Variants in TENM1 observed in about 807,000 individuals in gnomAD.
TENM1 encodes the protein teneurin transmembrane protein 1, also known as teneurin-1.
In TENM1, 35 loss-of-function variants were observed where a neutral mutation model predicts 174.8. The ratio of observed to expected loss-of-function variants is 0.20; its 90% CI spans 0.15 to 0.27. TENM1 has a LOEUF of 0.27. Among genes scored for constraint, TENM1 ranks in the 10% least tolerant of loss-of-function variants. TENM1 has a pLI of 1.00. For synonymous variants in TENM1, 781 were observed against 798.7 expected (o/e 0.98, Z 0.37); for missense variants, 1,633 against 2,130.1 (o/e 0.77, Z 4.59).
At chrX:124,664,872 C>G (rs1014403014) in intron 6 of TENM1, among the ~76,000 whole-genome samples, 2 of 111,174 alleles carry the variant, frequency 1.8e-5, no homozygotes, top group Non-Finnish European at 3.8e-5. Context: ...TTTAAACAAA[C>G]TGGCTTTGAG....
At chrX:125,061,688 G>A in the TENM1 span, among the ~76,000 whole-genome samples, 1 of 111,857 alleles carries the variant, frequency 8.9e-6, no homozygotes, top group Admixed American at 9.5e-5. Context: ...AGGTCGAGGC[G>A]GGCAGATCGC....
the TENM1 span, among the ~76,000 whole-genome samples, chrX:125,038,773 T>C: frequency 9.0e-6 from 1 of 111,602 alleles, no homozygotes; most frequent in African/African-American, 3.2e-5. Context: ...AAAGTGAATA[T>C]TGGAAAAAAA....
chrX:124,442,964 C>G (rs929557583), intron 23 of TENM1, among the ~76,000 whole-genome samples: 4 of 107,117 alleles, frequency 3.7e-5, no homozygotes, highest in African/African-American at 1.3e-4. Context: ...ATGCCTAGCC[C>G]TCTTCTGCTT....
chrX:125,049,749 G>C, the TENM1 span, among the ~76,000 whole-genome samples: 6 of 110,555 alleles, frequency 5.4e-5, no homozygotes, highest in Admixed American at 9.6e-5. Context: ...ATCTCTTCTT[G>C]GTTTAGATTT....
intron 4 of TENM1, among the ~76,000 whole-genome samples, chrX:124,730,574 T>C (rs757943456): frequency 1.8e-5 from 2 of 111,695 alleles, no homozygotes; most frequent in African/African-American, 3.3e-5. Flanking sequence ...CAACGGATGC[T>C]GATTTTCAAC....
At chrX:124,968,205 G>A (rs2058750079), upstream of TENM1, among the ~76,000 whole-genome samples, 1 of 111,282 alleles carries the variant, frequency 9.0e-6, no homozygotes, top group Admixed American at 9.5e-5. Context: ...AAATTAAAAG[G>A]TAAAAATAAT....
At chrX:125,132,210 T>C in the TENM1 span, among the ~76,000 whole-genome samples, 11 of 111,184 alleles carry the variant, frequency 9.9e-5, no homozygotes, top group East Asian at 2.6e-3. Context: ...ATGAGTCTCA[T>C]TGAGTGGTCA....
chrX:125,165,050 G>A, the TENM1 span, among the ~76,000 whole-genome samples: 2 of 111,909 alleles, frequency 1.8e-5, no homozygotes, highest in African/African-American at 3.2e-5. Flanking sequence ...AATTGACATT[G>A]AGTGTCTGTC....
intron 23 of TENM1, among the ~76,000 whole-genome samples, chrX:124,440,790 C>T (rs1026558384): frequency 2.7e-5 from 3 of 111,159 alleles, no homozygotes; most frequent in Non-Finnish European, 5.7e-5. Context: ...TGAAAAAAGC[C>T]TTTTTAAATG....
At chrX:125,137,314 A>G in the TENM1 span, among the ~76,000 whole-genome samples, 1 of 111,302 alleles carries the variant, frequency 9.0e-6, no homozygotes, top group East Asian at 2.8e-4. Context: ...AGGTCACACA[A>G]AATTGTGGGT....
At chrX:125,025,479 T>C in the TENM1 span, among the ~76,000 whole-genome samples, 1 of 111,739 alleles carries the variant, frequency 8.9e-6, no homozygotes, top group Non-Finnish European at 1.9e-5. Context: ...CTTTTTAGAA[T>C]AGAAACAGAA....
chrX:124,612,112 T>G (rs1210125326), intron 11 of TENM1, among the ~76,000 whole-genome samples: 2 of 111,984 alleles, frequency 1.8e-5, no homozygotes, highest in African/African-American at 6.5e-5. Flanking sequence ...GAAGAACATT[T>G]TCAATCAAGA....
chrX:124,902,677 G>A (rs1173831847), intron 1 of TENM1, among the ~76,000 whole-genome samples: 2 of 112,160 alleles, frequency 1.8e-5, no homozygotes, highest in Non-Finnish European at 3.8e-5. Flanking sequence ...AAAGAAAACG[G>A]TATCAAATTG....
intron 3 of TENM1, among the ~76,000 whole-genome samples, chrX:124,753,645 T>G (rs1603131542): frequency 9.1e-6 from 1 of 110,404 alleles, no homozygotes; most frequent in African/African-American, 3.3e-5. Context: ...TAGCTCTTAT[T>G]ATTTTGAGAT....
At chrX:125,200,287 G>T in the TENM1 span, among the ~76,000 whole-genome samples, 8,415 of 111,440 alleles carry the variant, frequency 0.076, 766 homozygotes, top group African/African-American at 0.26. Context: ...ACACTCAGAA[G>T]CTGTAGAAGA....
exon 29 of TENM1, chrX:124,385,989 T>C: frequency 1.7e-6 from 2 of 1,209,323 alleles, no homozygotes; most frequent in African/African-American, 3.5e-5. Context: ...CTAGGCATGG[T>C]GACTGAGAGC....
chrX:124,497,378 G>A, intron 19 of TENM1, 113 bp from the exon 23 acceptor site: 1 of 789,442 alleles, frequency 1.3e-6, no homozygotes, highest in Non-Finnish European at 1.8e-6. Context: ...GCTTTGGCCT[G>A]GCATAAGAGA....
chrX:125,145,566 A>G, the TENM1 span, among the ~76,000 whole-genome samples: 2 of 112,715 alleles, frequency 1.8e-5, no homozygotes, highest in Non-Finnish European at 3.7e-5. Context: ...GTGCAACATT[A>G]ATATTAATAA....
At chrX:124,941,422 C>T (rs756779583) in intron 1 of TENM1, among the ~76,000 whole-genome samples, 2 of 111,658 alleles carry the variant, frequency 1.8e-5, no homozygotes, top group African/African-American at 6.5e-5. Flanking sequence ...CTTTTCCTGT[C>T]AGTCATTTAA....
Sources: gnomAD v4.1 joint callset for allele counts (sites outside exome capture counted in the v4.1 genomes callset) on GRCh38, gnomAD v4.1.1 for gene constraint, MANE v1.5 for transcripts, NCBI Gene and HGNC (gene_info 2026-07-23, HGNC 2026-07-21) for gene names.